Variants in ANGPTL1 observed in about 807,000 individuals in gnomAD.
ANGPTL1 encodes the protein angiopoietin-related protein 1.
Under a neutral mutation model 46.7 loss-of-function variants are expected in ANGPTL1, and 36 were observed. That is an observed-to-expected ratio of 0.77 (90% CI 0.59 to 1.02). ANGPTL1 has a LOEUF of 1.02. Ranked by LOEUF, ANGPTL1 falls within the 50% of genes least tolerant of loss-of-function variation. The probability of loss-of-function intolerance (pLI) is 0.00; values close to 1 mark genes in which losing one functional copy is unlikely to be tolerated. For synonymous variants in ANGPTL1, 221 were observed against 204.3 expected (o/e 1.08, Z -0.69); for missense variants, 571 against 594.7 (o/e 0.96, Z 0.41).
At chr1:178,852,544 A>G (rs1158573393) in intron 5 of ANGPTL1, 139 bp downstream of exon 5, 1 of 761,922 alleles carries the variant, frequency 1.3e-6, no homozygotes, top group East Asian at 2.7e-5. Context: ...TATTTCTTTC[A>G]GTAGGTTGGT....
At chr1:178,869,445 G>A (rs1220384468) in intron 1 of ANGPTL1, among the ~76,000 whole-genome samples, 1 of 152,062 alleles carries the variant, frequency 6.6e-6, no homozygotes, top group African/African-American at 2.4e-5. Flanking sequence ...TTTAAGAAAA[G>A]GATAAATAGT....
At position 178,851,335 on chromosome 1, in the gene ANGPTL1, G is replaced by A; in HGVS notation, c.1289-19C>T. On this transcript the variant is annotated intron_variant, in intron 5 of 5. Transcript: ENST00000234816. Reference sequence around the variant, plus strand: ...CAGTTTCCTTTGAGGAAAAAATACAGATATAAATGTAAAAGTTTCTTCTAG... The same window carrying A: ...CAGTTTCCTTTGAGGAAAAAATACAAATATAAATGTAAAAGTTTCTTCTAG... The A allele has an allele frequency of 6.3e-7, 1 of 1,589,064 alleles. No homozygotes were observed. The highest frequency in any genetic ancestry group is 8.5e-7 in the Non-Finnish European group (1 of 1,169,878).
At chr1:178,859,416 T>TA (rs1277914593) in intron 3 of ANGPTL1, among the ~76,000 whole-genome samples, 1 of 148,256 alleles carries the variant, frequency 6.7e-6, no homozygotes, top group Non-Finnish European at 1.5e-5. Flanking sequence ...TTTTTTTTTT[T>TA]TTTTTTGAGA....
In ANGPTL1 at chr1:178,852,729, A is replaced by G. The variant is rs780502740; in HGVS notation, c.1242T>C (p.Asn414=). 56 of 1,613,712 alleles carry G rather than the reference A, an allele frequency of 3.5e-5. 1 individual carries two copies. In the Middle Eastern group the frequency reaches 2.5e-3, roughly 71 times the overall value. Residue 414 remains asparagine, a synonymous_variant, in exon 5 of 6, where the codon AAT becomes AAC. Transcript: ENST00000234816. ...TGTCCAGTGTGGTGAATTGTTTACC[A>G]TTATGCCACATCATAGAATCCCCTG... ...GNAGDSMMWH[N]GKQFTTLDRD...
intron 3 of ANGPTL1, among the ~76,000 whole-genome samples, chr1:178,862,547 C>G (rs548991428): frequency 3.9e-5 from 6 of 152,226 alleles, no homozygotes; most frequent in African/African-American, 1.2e-4. Context: ...ACGATCACTT[C>G]AAACCTGTAG....
At chr1:178,853,106 A>C in intron 4 of ANGPTL1, 153 bp from the exon 5 acceptor site, 1 of 985,404 alleles carries the variant, frequency 1.0e-6, no homozygotes, top group Non-Finnish European at 1.2e-6. Context: ...GCGTTTTATA[A>C]GCCACACATT....
chr1:178,851,309 G>T lies in ANGPTL1; in HGVS notation c.1296C>A (p.Cys432Ter). Residue 432 changes from cysteine to a stop codon, truncating the protein, a stop_gained, in exon 6 of 6, where the codon TGC (cysteine) becomes TGA (stop). Coordinates refer to ENST00000234816, the MANE Select transcript of ANGPTL1 (RefSeq NM_004673.4). LOFTEE classifies it high-confidence loss of function. ...DRDKDMYAGN[C>*]AHFHKGGWWY... Reference sequence around the variant, plus strand: ...ACCAGCCTCCTTTATGAAAGTGGGCGCAGTTTCCTTTGAGGAAAAAATACA... The same window carrying T: ...ACCAGCCTCCTTTATGAAAGTGGGCTCAGTTTCCTTTGAGGAAAAAATACA... The T allele has an allele frequency of 6.2e-7, 1 of 1,606,264 alleles. No homozygotes were observed. Among genetic ancestry groups the T allele is most frequent in the Non-Finnish European group, 8.5e-7 (1 of 1,176,918 alleles).
intron 3 of ANGPTL1, among the ~76,000 whole-genome samples, chr1:178,862,033 C>T (rs1218000711): frequency 6.6e-6 from 1 of 151,940 alleles, no homozygotes; most frequent in Non-Finnish European, 1.5e-5. Flanking sequence ...CCACCATGCC[C>T]AATACTTTTT....
intron 5 of ANGPTL1, among the ~76,000 whole-genome samples, chr1:178,851,555 G>T (rs1414502781): frequency 6.6e-6 from 1 of 151,852 alleles, no homozygotes; most frequent in Non-Finnish European, 1.5e-5. Context: ...TTTTAAAAAG[G>T]GGGATTTAAT....
At chr1:178,853,289 C>T (rs1180916896) in intron 4 of ANGPTL1, 1 of 876,484 alleles carries the variant, frequency 1.1e-6, no homozygotes, top group Non-Finnish European at 1.4e-6. Context: ...TTCCTGGTCT[C>T]TCTCATATTC....
chr1:178,864,833 G>A (rs903659896), intron 3 of ANGPTL1, 121 bp downstream of exon 3: 3 of 583,932 alleles, frequency 5.1e-6, no homozygotes, highest in African/African-American at 1.9e-5. Flanking sequence ...AAAAACAATA[G>A]AAATTTTAAT....
intron 3 of ANGPTL1, among the ~76,000 whole-genome samples, chr1:178,862,588 ATTTT>A (rs111564790): frequency 0.013 from 1,763 of 131,366 alleles, 10 homozygotes; most frequent in African/African-American, 0.022. Context: ...GAGGAGTTGC[ATTTT>A]TTTTATTTAT....
chr1:178,861,192 A>G (rs575491343), intron 3 of ANGPTL1, among the ~76,000 whole-genome samples: 1 of 152,336 alleles, frequency 6.6e-6, no homozygotes, highest in South Asian at 2.1e-4. Flanking sequence ...ACTAATTAGT[A>G]TAGTAATTCT....
At chr1:178,863,700 A>C (rs1487886648) in intron 3 of ANGPTL1, among the ~76,000 whole-genome samples, 1 of 152,228 alleles carries the variant, frequency 6.6e-6, no homozygotes, top group East Asian at 1.9e-4. Flanking sequence ...TGAAGCCAAA[A>C]TACTCTAAAG....
intron 3 of ANGPTL1, among the ~76,000 whole-genome samples, chr1:178,860,433 C>A (rs1393244449): frequency 1.3e-5 from 2 of 152,092 alleles, no homozygotes; most frequent in African/African-American, 2.4e-5. Context: ...GTCATAACAT[C>A]TTTTATAAAA....
intron 3 of ANGPTL1, among the ~76,000 whole-genome samples, chr1:178,864,494 TGA>T (rs1658248440): frequency 6.6e-6 from 1 of 152,040 alleles, no homozygotes; most frequent in Admixed American, 6.6e-5. Flanking sequence ...GTGGAGATAA[TGA>T]GGTGTAATTA....
At position 178,852,741 on chromosome 1, in the gene ANGPTL1, C is replaced by T. The variant is rs566764958; in HGVS notation, c.1230G>A (p.Met410Ile). The change falls in exon 5 of 6, where the codon ATG becomes ATA. Residue 410 changes from methionine to isoleucine, a missense_variant. Met to Ile is a conservative substitution (Grantham distance 10). Coordinates refer to ENST00000234816, the MANE Select transcript of ANGPTL1 (RefSeq NM_004673.4). ...TGAATTGTTTACCATTATGCCACAT[C>T]ATAGAATCCCCTGCATTTCCCTGGT... is the stretch of plus-strand genomic sequence containing the variant. Reference protein sequence around the residue: ...GTYQGNAGDSMMWHNGKQFTT... With the variant: ...GTYQGNAGDSIMWHNGKQFTT... The T allele has an allele frequency of 1.9e-6, 3 of 1,613,702 alleles. No individual in the cohort carries two copies. Among genetic ancestry groups the T allele is most frequent in the Non-Finnish European group, 2.5e-6 (3 of 1,179,770 alleles).
At chr1:178,863,374 G>A (rs1276448726) in intron 3 of ANGPTL1, among the ~76,000 whole-genome samples, 1 of 124,978 alleles carries the variant, frequency 8.0e-6, no homozygotes, top group East Asian at 2.0e-4. Flanking sequence ...ATTCAGACCA[G>A]CAAGGAGACA....
chr1:178,869,944 A>G (rs549553415), intron 1 of ANGPTL1, among the ~76,000 whole-genome samples: 1 of 152,248 alleles, frequency 6.6e-6, no homozygotes, highest in Non-Finnish European at 1.5e-5. Context: ...TACCTAAAAT[A>G]TTACATATTT....
Sources: gnomAD v4.1 joint callset for allele counts (sites outside exome capture counted in the v4.1 genomes callset) on GRCh38, gnomAD v4.1.1 for gene constraint, MANE v1.5 for transcripts, NCBI Gene and HGNC (gene_info 2026-07-23, HGNC 2026-07-21) for gene names.